The following ARVCF variants were observed in gnomAD, a reference collection of about 807,000 sequenced individuals.
The protein encoded by ARVCF is splicing regulator ARVCF.
In ARVCF, 66 loss-of-function variants were observed where a neutral mutation model predicts 90.9. The ratio of observed to expected loss-of-function variants is 0.73; its 90% CI spans 0.60 to 0.89. ARVCF has a LOEUF of 0.89. ARVCF is among the 40% of genes least tolerant of loss of function. The probability of loss-of-function intolerance (pLI) is 0.00; values close to 1 mark genes in which losing one functional copy is unlikely to be tolerated. For missense variants in ARVCF, 1,469 were observed against 1,382.3 expected (o/e 1.06, Z -1.00); for synonymous variants, 653 against 603.4 (o/e 1.08, Z -1.21).
intron 5 of ARVCF, 189 bp downstream of exon 5, chr22:19,981,022 G>T: frequency 1.4e-6 from 1 of 712,002 alleles, no homozygotes; most frequent in South Asian, 2.2e-5. Context: ...CTGCAGGACA[G>T]TGCCCAGCCG....
intron 1 of ARVCF, among the ~76,000 whole-genome samples, chr22:20,010,863 T>C (rs8135174): frequency 0.5 from 76,526 of 152,166 alleles, 19,778 homozygotes; most frequent in African/African-American, 0.57. Context: ...CAGGGTCCTG[T>C]TGCCCCACGC....
At position 19,981,422 on chromosome 22, in the gene ARVCF, G is replaced by A; in HGVS notation, c.685C>T (p.Leu229=). ...GGGAAGGCTTCCCGGTGGCCAGGCAGTGTGAAGCAGCCATCACCAGGGCCT... is the reference window on the plus strand; with the variant it reads ...GGGAAGGCTTCCCGGTGGCCAGGCAATGTGAAGCAGCCATCACCAGGGCCT... ...GPGPGDGCFT[L]PGHREAFPVG... The change falls in exon 5 of 20, where the codon CTG becomes TTG. Residue 229 remains leucine (L), a synonymous_variant. Transcript: ENST00000263207. The A allele has an allele frequency of 1.3e-6, 2 of 1,573,900 alleles. No individual in the cohort carries two copies. Among genetic ancestry groups the A allele is most frequent in the East Asian group, 4.7e-5 (2 of 42,980 alleles).
rs761344502 is a variant in ARVCF at position 19,974,141 on chromosome 22, G to C, written c.2059C>G (p.Leu687Val). 1 of 1,612,512 alleles carries C rather than the reference G, an allele frequency of 6.2e-7. No homozygotes were observed. Among genetic ancestry groups the C allele is most frequent in the South Asian group, 1.1e-5 (1 of 91,012 alleles). Residue 687 changes from leucine to valine, a missense_variant, in exon 12 of 20, where the codon CTG (leucine) becomes GTG (valine). Physicochemically the swap from Leu to Val is conservative, Grantham distance 32. Transcript: ENST00000263207. ...FNTLEAAAGA[L>V]QNLSAGNWMW... ...CAGTTGCCGGCACTGAGGTTCTGCA[G>C]AGCGCCGGCGGCAGCCTCCAGGGTG...
At chr22:19,998,387 C>G (rs988415343) in intron 2 of ARVCF, among the ~76,000 whole-genome samples, 1 of 152,232 alleles carries the variant, frequency 6.6e-6, no homozygotes, top group Non-Finnish European at 1.5e-5. Flanking sequence ...CCCTGGGAGC[C>G]TGTGGCCAAA....
At position 19,981,256 on chromosome 22, in the gene ARVCF, G is replaced by C. The variant is rs528372866; in HGVS notation, c.851C>G (p.Thr284Arg). ...GGPELEPDYGTATRRRPECGR... is the reference protein window; with the variant it reads ...GGPELEPDYGRATRRRPECGR... The stretch of plus-strand genomic sequence containing the variant: ...ACACTCAGGCCTCCTCCTTGTGGCC[G>C]TGCCATAGTCAGGCTCCAGCTCAGG... Residue 284 changes from threonine (T) to arginine (R), a missense_variant, in exon 5 of 20, where the codon ACG (threonine) becomes AGG (arginine). Physicochemically the swap from Thr to Arg is moderately conservative, Grantham distance 71. Coordinates refer to ENST00000263207, the MANE Select transcript of ARVCF (RefSeq NM_001670.3). 1 of 1,562,978 alleles carries C rather than the reference G, an allele frequency of 6.4e-7. No individual in the cohort carries two copies. Among genetic ancestry groups the C allele is most frequent in the Non-Finnish European group, 8.7e-7 (1 of 1,154,856 alleles).
chr22:19,971,384 G>GCCCCC, intron 18 of ARVCF, 49 bp from the exon 19 acceptor site: 1 of 1,521,294 alleles, frequency 6.6e-7, no homozygotes, highest in Non-Finnish European at 8.8e-7. Context: ...AGGTTAGTTA[G>GCCCCC]AGCTCCTGGG....
intron 2 of ARVCF, among the ~76,000 whole-genome samples, chr22:20,006,435 C>T (rs951753387): frequency 2.0e-5 from 3 of 151,390 alleles, no homozygotes; most frequent in East Asian, 4.0e-4. Context: ...AAAAATTAGC[C>T]GGGTGTGGCG....
At position 19,990,765 on chromosome 22, in the gene ARVCF, G is replaced by A. The variant is rs1251858158; in HGVS notation, c.30C>T (p.Ala10=). The A allele has an allele frequency of 6.3e-7, 1 of 1,579,530 alleles. No homozygotes were observed. The highest frequency in any genetic ancestry group is 1.1e-5 in the South Asian group (1 of 87,072). The change falls in exon 3 of 20, where the codon GCC becomes GCT. Residue 10 remains alanine, a synonymous_variant. Transcript: ENST00000263207. MEDCNVHSA[A]SILASVKEQE... ...GCTCCTTCACCGAGGCCAGGATGCT[G>A]GCGGCCGAGTGCACATTGCAGTCCT...
intron 2 of ARVCF, among the ~76,000 whole-genome samples, chr22:19,991,828 C>A (rs577795315): frequency 6.6e-6 from 1 of 152,374 alleles, no homozygotes; most frequent in East Asian, 1.9e-4. Flanking sequence ...GGCATAGCCA[C>A]GAGGCCACAC....
At chr22:19,995,321 T>C (rs181149139) in intron 2 of ARVCF, among the ~76,000 whole-genome samples, 1 of 149,464 alleles carries the variant, frequency 6.7e-6, no homozygotes, top group East Asian at 2.0e-4. Context: ...GCAGATGGGA[T>C]GCTGAAGGCT....
downstream of ARVCF, chr22:19,968,867 G>A (rs962542027): frequency 5.8e-5 from 46 of 792,582 alleles, no homozygotes; most frequent in African/African-American, 2.9e-4. Context: ...CGAGGCCTGC[G>A]CCCTGACATG....
chr22:20,005,076 C>T (rs1405312367), intron 2 of ARVCF, among the ~76,000 whole-genome samples: 1 of 151,928 alleles, frequency 6.6e-6, no homozygotes, highest in Non-Finnish European at 1.5e-5. Flanking sequence ...CATCAAAGGA[C>T]ACAATCAATA....
downstream of ARVCF, chr22:19,968,469 C>A: frequency 1.3e-6 from 2 of 1,508,300 alleles, no homozygotes; most frequent in Non-Finnish European, 1.8e-6. Context: ...AGCACCCATC[C>A]TGGTTTGGGG....
chr22:19,970,594 G>GGGGGGGGGGGGGGGGGGC lies in ARVCF; in HGVS notation c.*161_*162insGCCCCCCCCCCCCCCCCC. The GGGGGGGGGGGGGGGGGGC allele has an allele frequency of 1.9e-6, 1 of 525,010 alleles. No homozygotes were observed. Among genetic ancestry groups the GGGGGGGGGGGGGGGGGGC allele is most frequent in the Non-Finnish European group, 3.2e-6 (1 of 316,900 alleles). 32.5% of individuals were successfully genotyped at this position (525,010 alleles called of 1,614,324 possible). A position where few individuals can be genotyped will look rare whatever the true frequency, so the allele number is the denominator to read the frequency against. Reference sequence around the variant, plus strand: ...AGGATGGGGGGAGTGGGGTGGGGGGGCAGGAGGGTGTCCCCAAAGTCAGGC... The same window carrying GGGGGGGGGGGGGGGGGGC: ...AGGATGGGGGGAGTGGGGTGGGGGGGGGGGGGGGGGGGGGGGGCCAGGAGGGTGTCCCCAAAGTCAGGC... On this transcript the variant is annotated 3_prime_UTR_variant, in exon 20 of 20. Coordinates refer to ENST00000263207, the MANE Select transcript of ARVCF (RefSeq NM_001670.3).
chr22:19,974,044 T>C, intron 12 of ARVCF, 68 bp downstream of exon 12: 1 of 1,551,306 alleles, frequency 6.4e-7, no homozygotes, highest in Non-Finnish European at 8.7e-7. Flanking sequence ...AGGCAGGAGC[T>C]GCACCAGTGA....
Position 19,978,897 on chromosome 22 carries a change from C to T in ARVCF, c.1580G>A (p.Arg527Lys). ...TVFKNTSGCLRNVSSDGAEAR... is the reference protein window; with the variant it reads ...TVFKNTSGCLKNVSSDGAEAR... ...CTTTAGCACCAGGTCTGGTCCACACCTCAGGCAGCCCGACGTGTTCTTGAA... is the reference window on the plus strand; with the variant it reads ...CTTTAGCACCAGGTCTGGTCCACACTTCAGGCAGCCCGACGTGTTCTTGAA... The change falls in exon 7 of 20, where the codon AGG (arginine) becomes AAG (lysine). Residue 527 changes from arginine to lysine, a missense_variant and splice_region_variant. Coordinates refer to ENST00000263207, the MANE Select transcript of ARVCF (RefSeq NM_001670.3). 6.2e-7 allele frequency: 1 copy of T among 1,609,204 alleles called. No homozygotes were observed. Among genetic ancestry groups the T allele is most frequent in the Non-Finnish European group, 8.5e-7 (1 of 1,177,388 alleles).
intron 9 of ARVCF, 106 bp from the exon 10 acceptor site, chr22:19,976,829 TG>T: frequency 7.6e-7 from 1 of 1,313,388 alleles, no homozygotes; most frequent in Non-Finnish European, 1.1e-6. Flanking sequence ...CTGCACACCC[TG>T]GATCAAGCAG....
chr22:19,973,265 C>T lies in ARVCF; in HGVS notation c.2292G>A (p.Pro764=), dbSNP rs762300798. 1.2e-6 allele frequency: 2 copies of T among 1,608,464 alleles called. No individual in the cohort carries two copies. Among genetic ancestry groups the T allele is most frequent in the East Asian group, 2.2e-5 (1 of 44,704 alleles). ...CCTCCAGGCAGGCCCCCGGTCGCGGCGGAGCCTGTGCATTGCGCACATTCC... is the reference window on the plus strand; with the variant it reads ...CCTCCAGGCAGGCCCCCGGTCGCGGTGGAGCCTGTGCATTGCGCACATTCC... The part of the protein sequence containing the change: ...LVRNVRNAQA[P]PRPGACLEED... Residue 764 remains proline, a synonymous_variant, in exon 14 of 20, where the codon CCG becomes CCA. Coordinates refer to ENST00000263207, the MANE Select transcript of ARVCF (RefSeq NM_001670.3).
chr22:20,000,717 C>T (rs1188353062), intron 2 of ARVCF, among the ~76,000 whole-genome samples: 1 of 152,186 alleles, frequency 6.6e-6, no homozygotes, highest in African/African-American at 2.4e-5. Context: ...GAGGTAGGGC[C>T]TTTAGGAGGT....
Sources: gnomAD v4.1 joint callset for allele counts (sites outside exome capture counted in the v4.1 genomes callset) on GRCh38, gnomAD v4.1.1 for gene constraint, MANE v1.5 for transcripts, NCBI Gene and HGNC (gene_info 2026-07-23, HGNC 2026-07-21) for gene names.